Variants in OVAAL observed in about 807,000 individuals in gnomAD.
OVAAL encodes ovarian adenocarcinoma amplified long non-coding RNA, also known as long intergenic non-protein coding RNA 1131.
At chr1:180,565,129 G>A (rs979075443) in intron 2 of OVAAL, 1 of 152,968 alleles carries the variant, frequency 6.5e-6, no homozygotes, top group Non-Finnish European at 1.5e-5. Flanking sequence ...ACCTTGTCTT[G>A]TGCTGACTCC....
intron 1 of OVAAL, among the ~76,000 whole-genome samples, chr1:180,559,561 A>C (rs1046272673): frequency 6.6e-6 from 1 of 152,214 alleles, no homozygotes; most frequent in Non-Finnish European, 1.5e-5. Flanking sequence ...CCATTTTAAA[A>C]GGGAAACAGA....
chr1:180,565,995 C>T (rs1445192094), exon 3 of OVAAL: 1 of 152,174 alleles, frequency 6.6e-6, no homozygotes, highest in African/African-American at 2.4e-5. Context: ...ATCCCTTTGG[C>T]CTTCTTGAGG....
In OVAAL at chr1:180,562,669, T is replaced by C. The variant is rs74541210; in HGVS notation, n.513+325T>C. Among the ~76,000 whole-genome samples, 625 of 152,192 alleles carry C rather than the reference T, an allele frequency of 4.1e-3. 9 individuals carry two copies. The highest frequency in any genetic ancestry group is 0.014 in the African/African-American group (589 of 41,522). On this transcript the variant is annotated intron_variant and non_coding_transcript_variant, in intron 2 of 2. Transcript: ENST00000673955. ...CCTGAGGCTGCCATCAGGTGCTGAA[T>C]ATGAAGTGAGGCTGTCAAGGGACAC...
rs1653190640 is a variant in OVAAL at position 180,560,959 on chromosome 1, T to C, written n.373-1245T>C. Among the ~76,000 whole-genome samples, 3 of 152,224 alleles carry C rather than the reference T, an allele frequency of 2.0e-5. 1 individual carries two copies. In the South Asian group the frequency reaches 6.2e-4, roughly 31 times the overall value. ...GCTTACATTTTTTAAAGGTTTTATA[T>C]GGTAAGTCATCTTAGGGTAGGGAAA... On this transcript the variant is annotated intron_variant and non_coding_transcript_variant, in intron 1 of 2. Coordinates refer to ENST00000673955, the Ensembl canonical transcript of OVAAL.
chr1:180,563,770 T>C (rs1653247180), intron 2 of OVAAL, among the ~76,000 whole-genome samples: 1 of 152,256 alleles, frequency 6.6e-6, no homozygotes, highest in Non-Finnish European at 1.5e-5. Context: ...AACTCCGCCA[T>C]TTTGCCTCTT....
chr1:180,561,542 G>A (rs1441559805), intron 1 of OVAAL, among the ~76,000 whole-genome samples: 1 of 152,154 alleles, frequency 6.6e-6, no homozygotes, highest in East Asian at 1.9e-4. Flanking sequence ...GCCTGGAGTG[G>A]TTGGGTACTC....
chr1:180,559,340 C>A (rs1466945294), intron 1 of OVAAL, among the ~76,000 whole-genome samples: 1 of 152,142 alleles, frequency 6.6e-6, no homozygotes, highest in Non-Finnish European at 1.5e-5. Flanking sequence ...AAGGTCCAGG[C>A]TGAGGTGGTC....
intron 1 of OVAAL, among the ~76,000 whole-genome samples, chr1:180,562,001 C>A (rs950457274): frequency 1.4e-5 from 2 of 146,954 alleles, no homozygotes; most frequent in African/African-American, 5.0e-5. Flanking sequence ...CCAGCCTGGG[C>A]GAGAAGAGTG....
chr1:180,560,674 C>A (rs1653184635), intron 1 of OVAAL, among the ~76,000 whole-genome samples: 1 of 152,186 alleles, frequency 6.6e-6, no homozygotes, highest in Admixed American at 6.5e-5. Flanking sequence ...TAACCTACAC[C>A]TTTACTGGCT....
chr1:180,563,791 T>A (rs1210717683), intron 2 of OVAAL, among the ~76,000 whole-genome samples: 1 of 152,186 alleles, frequency 6.6e-6, no homozygotes, highest in Non-Finnish European at 1.5e-5. Flanking sequence ...GGTGCTCATG[T>A]GTGAGTCCGC....
chr1:180,561,598 A>G (rs1234703768), intron 1 of OVAAL, among the ~76,000 whole-genome samples: 39 of 152,204 alleles, frequency 2.6e-4, no homozygotes, highest in Admixed American at 2.6e-3. Flanking sequence ...GTCATTGTTC[A>G]TCTTGATCTG....
intron 1 of OVAAL, among the ~76,000 whole-genome samples, chr1:180,561,696 T>C (rs1357552651): frequency 6.6e-6 from 1 of 151,792 alleles, no homozygotes; most frequent in Non-Finnish European, 1.5e-5. Context: ...CAAGTGGGTA[T>C]GGTCATAATA....
chr1:180,562,781 T>C (rs1267617531), intron 2 of OVAAL, among the ~76,000 whole-genome samples: 1 of 152,186 alleles, frequency 6.6e-6, no homozygotes, highest in African/African-American at 2.4e-5. Context: ...GCTGATATTT[T>C]CTGAAATGCC....
At chr1:180,562,767 C>T (rs915293363) in intron 2 of OVAAL, among the ~76,000 whole-genome samples, 5 of 152,096 alleles carry the variant, frequency 3.3e-5, no homozygotes, top group Non-Finnish European at 7.4e-5. Flanking sequence ...GGCCATGGCC[C>T]AGGGCTGATA....
At chr1:180,566,463 A>G (rs538028754) in exon 3 of OVAAL, 1 of 152,364 alleles carries the variant, frequency 6.6e-6, no homozygotes, top group East Asian at 1.9e-4. Flanking sequence ...GTCTTCTTAT[A>G]TAATATTTTA....
chr1:180,566,399 C>G (rs922236297), exon 3 of OVAAL: 2 of 152,158 alleles, frequency 1.3e-5, no homozygotes, highest in African/African-American at 4.8e-5. Context: ...CTAGCTTTTA[C>G]CAGTCAGTGT....
chr1:180,564,334 A>T (rs774487438), intron 2 of OVAAL, among the ~76,000 whole-genome samples: 1 of 152,220 alleles, frequency 6.6e-6, no homozygotes, highest in Non-Finnish European at 1.5e-5. Flanking sequence ...TAAATATTTC[A>T]TAAGACATAC....
At chr1:180,562,099 C>T (rs1249704378) in intron 1 of OVAAL, 1 of 152,230 alleles carries the variant, frequency 6.6e-6, no homozygotes, top group African/African-American at 2.4e-5. Context: ...GGAGGACCAG[C>T]CATCCACTTT....
At position 180,564,782 on chromosome 1, in the gene OVAAL, C is replaced by T. The variant is rs532870947; in HGVS notation, n.514-469C>T. ...GATCTCCTAGGCCAGTGGTTCTCACCCCTGGCTGCATATTAGAATTGCCTG... is the reference window on the plus strand; with the variant it reads ...GATCTCCTAGGCCAGTGGTTCTCACTCCTGGCTGCATATTAGAATTGCCTG... On this transcript the variant is annotated intron_variant and non_coding_transcript_variant, in intron 2 of 2. Transcript: ENST00000673955. Among the ~76,000 whole-genome samples the T allele has an allele frequency of 2.0e-5, 3 of 152,116 alleles. No homozygotes were observed. The South Asian group carries it at 6.3e-4, about 32-fold the overall frequency.
Sources: gnomAD v4.1 joint callset for allele counts (sites outside exome capture counted in the v4.1 genomes callset) on GRCh38, gnomAD v4.1.1 for gene constraint, MANE v1.5 for transcripts, NCBI Gene and HGNC (gene_info 2026-07-23, HGNC 2026-07-21) for gene names.